Variants in RNF121 observed in about 807,000 individuals in gnomAD.
RNF121 encodes the protein ring finger protein 121.
RNF121 carries 21 observed loss-of-function variants against 46.5 expected under a neutral mutation model. The ratio of observed to expected loss-of-function variants is 0.45; its 90% CI spans 0.32 to 0.65. The LOEUF (loss-of-function observed/expected upper bound fraction) is 0.65. Ranked by LOEUF, RNF121 falls within the 30% of genes least tolerant of loss-of-function variation. RNF121 has a pLI of 0.04. For synonymous variants in RNF121, 139 were observed against 144.7 expected (o/e 0.96, Z 0.28); for missense variants, 346 against 416.0 (o/e 0.83, Z 1.46).
intron 1 of RNF121, among the ~76,000 whole-genome samples, chr11:71,937,033 C>T (rs933845316): frequency 1.3e-5 from 2 of 152,184 alleles, no homozygotes; most frequent in Non-Finnish European, 2.9e-5. Context: ...ACAATAGCCC[C>T]TATCAGTATT....
intron 3 of RNF121, among the ~76,000 whole-genome samples, chr11:71,972,631 A>G (rs1954443041): frequency 6.6e-6 from 1 of 151,522 alleles, no homozygotes; most frequent in South Asian, 2.1e-4. Flanking sequence ...AGGATGTTTA[A>G]TAGCATCCCT....
chr11:71,949,390 C>T lies in RNF121; in HGVS notation c.64-7837C>T, dbSNP rs1466771005. Among the ~76,000 whole-genome samples, 3 of 152,184 alleles carry T rather than the reference C, an allele frequency of 2.0e-5. 1 individual carries two copies. The highest frequency in any genetic ancestry group is 7.2e-5 in the African/African-American group (3 of 41,530). On this transcript the variant is annotated intron_variant, in intron 1 of 8. Coordinates refer to ENST00000361756, the MANE Select transcript of RNF121 (RefSeq NM_018320.5). ...CTGTGATTGCACTACGGCACTCCAG[C>T]TTGGGCGACAGAGTGAGACCCTGTC...
intron 1 of RNF121, among the ~76,000 whole-genome samples, chr11:71,948,512 C>A (rs1480213007): frequency 2.7e-5 from 1 of 37,060 alleles, no homozygotes; most frequent in Non-Finnish European, 6.0e-5. Flanking sequence ...GAAACTGTCT[C>A]CAAAAAAAAA....
intron 1 of RNF121, chr11:71,939,213 T>C (rs554859806): frequency 3.3e-5 from 6 of 179,292 alleles, no homozygotes; most frequent in Admixed American, 1.2e-4. Flanking sequence ...TCATCTAAAC[T>C]GTTAAGTTCA....
At chr11:71,929,531 G>C (rs1025736336) in intron 1 of RNF121, among the ~76,000 whole-genome samples, 5 of 152,110 alleles carry the variant, frequency 3.3e-5, no homozygotes, top group African/African-American at 1.2e-4. Context: ...GGTGGGGGTT[G>C]GGGACACAGA....
rs542407245 is a variant in RNF121 at position 71,929,355 on chromosome 11, CAG to C, written c.63+240_63+241del. 9.2e-5 allele frequency among the ~76,000 whole-genome samples: 13 copies of C among 140,834 alleles called. No individual in the cohort carries two copies. In the South Asian group the frequency reaches 2.9e-3, roughly 32 times the overall value. The allele number at this position is 140,834 out of a possible 152,430, so 92.4% of individuals were successfully genotyped here. A position where few individuals can be genotyped will look rare whatever the true frequency, so the allele number is the denominator to read the frequency against. On this transcript the variant is annotated intron_variant, in intron 1 of 8. Transcript: ENST00000361756. ...TAGCCTCAAGGGTGAAGATGGAGGA[CAG>C]AGAGAGAGGTCGGAGGGGTGGGGGT...
intron 1 of RNF121, among the ~76,000 whole-genome samples, chr11:71,938,314 ATTTTTTTTTTTT>A (rs71958930): frequency 2.1e-5 from 2 of 94,926 alleles, no homozygotes; most frequent in African/African-American, 7.8e-5. Context: ...TAGTCTCTTA[ATTTTTTTTTTTT>A]TTTTTTTTTT....
intron 8 of RNF121, 73 bp downstream of exon 8, chr11:71,995,624 G>A: frequency 1.7e-6 from 2 of 1,203,312 alleles, no homozygotes; most frequent in Non-Finnish European, 2.4e-6. Context: ...CCTGCATTTG[G>A]GTCCTCCTGG....
At chr11:71,993,138 G>C (rs183868843) in intron 6 of RNF121, among the ~76,000 whole-genome samples, 26 of 152,276 alleles carry the variant, frequency 1.7e-4, no homozygotes, top group Admixed American at 1.3e-4. Flanking sequence ...TTGAACAACT[G>C]TCTTGTGCTT....
chr11:71,980,995 C>T (rs1954637656), intron 3 of RNF121, among the ~76,000 whole-genome samples: 1 of 151,944 alleles, frequency 6.6e-6, no homozygotes. Flanking sequence ...ATGTTTGTGA[C>T]TTGCATGATA....
chr11:71,968,499 A>G (rs1280290320), intron 3 of RNF121, among the ~76,000 whole-genome samples: 1 of 152,202 alleles, frequency 6.6e-6, no homozygotes, highest in Non-Finnish European at 1.5e-5. Context: ...GGTAATAGCC[A>G]TAGCTACCAA....
intron 1 of RNF121, among the ~76,000 whole-genome samples, chr11:71,947,761 GGT>G (rs1953759544): frequency 1.3e-5 from 2 of 152,204 alleles, no homozygotes; most frequent in South Asian, 4.1e-4. Context: ...GATGCAATCA[GGT>G]GTGTGTCTAA....
At chr11:71,969,472 G>C (rs1954372169) in intron 3 of RNF121, among the ~76,000 whole-genome samples, 1 of 152,128 alleles carries the variant, frequency 6.6e-6, no homozygotes, top group East Asian at 1.9e-4. Context: ...AAAAATAATG[G>C]AAACTTAAGT....
chr11:71,973,999 T>C (rs2134194444), intron 3 of RNF121, among the ~76,000 whole-genome samples: 1 of 152,302 alleles, frequency 6.6e-6, no homozygotes, highest in South Asian at 2.1e-4. Flanking sequence ...CAGACTGCAG[T>C]GGCGCTATCT....
In RNF121 at chr11:71,943,947, G is replaced by A. The variant is rs79524029; in HGVS notation, c.64-13280G>A. On this transcript the variant is annotated intron_variant, in intron 1 of 8. Coordinates refer to ENST00000361756, the MANE Select transcript of RNF121 (RefSeq NM_018320.5). ...ATAAAATAGGGAGACTGGAAAGGGA[G>A]GCAGATGTGATGACACATAAGGCCT... is the stretch of plus-strand genomic sequence containing the variant. Among the ~76,000 whole-genome samples the A allele has an allele frequency of 4.3e-3, 660 of 152,294 alleles. 2 individuals are homozygous for A. The highest frequency in any genetic ancestry group is 0.015 in the African/African-American group (630 of 41,558).
At chr11:71,972,624 A>T (rs143965563) in intron 3 of RNF121, among the ~76,000 whole-genome samples, 6 of 151,672 alleles carry the variant, frequency 4.0e-5, no homozygotes, top group African/African-American at 1.5e-4. Flanking sequence ...ATATTATAGG[A>T]TGTTTAATAG....
At chr11:71,945,501 G>C (rs1280442480) in intron 1 of RNF121, among the ~76,000 whole-genome samples, 1 of 152,126 alleles carries the variant, frequency 6.6e-6, no homozygotes, top group East Asian at 1.9e-4. Flanking sequence ...CCAAGCATTT[G>C]CTTTGTGTCT....
rs549972687 is a variant in RNF121, at chr11:71,935,502, C to T, written c.63+6378C>T. 8.3e-4 allele frequency among the ~76,000 whole-genome samples: 126 copies of T among 152,296 alleles called. 1 individual carries two copies. The highest frequency in any genetic ancestry group is 3.0e-3 in the African/African-American group (125 of 41,570). ...TTATGTACATTTGGGTCTTCCTTTC[C>T]GGAGGTGATTTAACTGGAGTCATGG... On this transcript the variant is annotated intron_variant, in intron 1 of 8. Coordinates refer to ENST00000361756, the MANE Select transcript of RNF121 (RefSeq NM_018320.5).
At chr11:71,959,464 A>G (rs1402062243) in intron 2 of RNF121, among the ~76,000 whole-genome samples, 1 of 152,036 alleles carries the variant, frequency 6.6e-6, no homozygotes, top group Non-Finnish European at 1.5e-5. Flanking sequence ...GACACTATTT[A>G]TGTTGTCCTT....
Sources: gnomAD v4.1 joint callset for allele counts (sites outside exome capture counted in the v4.1 genomes callset) on GRCh38, gnomAD v4.1.1 for gene constraint, MANE v1.5 for transcripts, NCBI Gene and HGNC (gene_info 2026-07-23, HGNC 2026-07-21) for gene names.